Variants in MYRF observed in about 807,000 individuals in gnomAD.
MYRF encodes the protein myelin gene regulatory factor.
In MYRF, 16 loss-of-function variants were observed where a neutral mutation model predicts 126.3. That is an observed-to-expected ratio of 0.13 (90% CI 0.09 to 0.19). The LOEUF is 0.19. MYRF is among the 10% of genes least tolerant of loss of function. The probability of loss-of-function intolerance (pLI) is 1.00; values close to 1 mark genes in which losing one functional copy is unlikely to be tolerated. For synonymous variants in MYRF, 608 were observed against 635.3 expected, an observed-to-expected ratio of 0.96 and a Z score of 0.65; for missense variants, 1,104 against 1,547.0, an observed-to-expected ratio of 0.71 and a Z score of 4.80.
Position 61,776,113 on chromosome 11 carries a change from C to T in MYRF, c.1369C>T (p.Arg457Trp). 1.2e-6 allele frequency: 2 copies of T among 1,614,068 alleles called. No individual in the cohort carries two copies. Among genetic ancestry groups the T allele is most frequent in the South Asian group, 1.1e-5 (1 of 91,088 alleles). ...GCAGTCCCAGTCAGACCGGAGCAAG[C>T]GGCCCTTCAACCCGGTCACGTGAGT... ...IEQSQSDRSKRPFNPVTVNLP... is the reference protein window; with the variant it reads ...IEQSQSDRSKWPFNPVTVNLP... The change falls in exon 9 of 27, where the codon CGG becomes TGG. Residue 457 changes from arginine (R) to tryptophan (W), a missense_variant. Coordinates refer to ENST00000278836, the MANE Select transcript of MYRF (RefSeq NM_001127392.3). This position sits in a 1 kb window ranked among gnomAD's most constrained non-coding sequence, Gnocchi z 4.3.
At position 61,778,355 on chromosome 11, in the gene MYRF, T is replaced by G; in HGVS notation, c.1904-25T>G. On this transcript the variant is annotated intron_variant, in intron 13 of 26. Coordinates refer to ENST00000278836, the MANE Select transcript of MYRF (RefSeq NM_001127392.3). The surrounding 1 kb of genome is among the most constrained non-coding windows in gnomAD (Gnocchi z 4.6). ...TAGCCCTTTACCACCCCCCCACCCA[T>G]CTTTGGCTTGTCCCCTGCCCCCAGG... is the stretch of plus-strand genomic sequence containing the variant. 4.4e-6 allele frequency: 6 copies of G among 1,372,448 alleles called. No individual in the cohort carries two copies. Among genetic ancestry groups the G allele is most frequent in the Non-Finnish European group, 4.2e-6 (4 of 960,092 alleles). The allele number at this position is 1,372,448 out of a possible 1,614,324, so 85.0% of individuals were successfully genotyped here.
chr11:61,771,649 G>C lies in MYRF; in HGVS notation c.890G>C (p.Trp297Ser). Residue 297 changes from tryptophan (W) to serine (S), a missense_variant, in exon 6 of 27, where the codon TGG (tryptophan) becomes TCG (serine). Transcript: ENST00000278836. ...LHPTRAPSPP[W>S]PPQGPLSPGP... ...CCCACTCGAGCCCCATCGCCACCCT[G>C]GCCTCCCCAGGGTCCGCTCTCCCCG... 6.2e-7 allele frequency: 1 copy of C among 1,613,866 alleles called. No homozygotes were observed. Among genetic ancestry groups the C allele is most frequent in the Non-Finnish European group, 8.5e-7 (1 of 1,179,984 alleles).
rs746039812 is a variant in MYRF at position 61,774,147 on chromosome 11, G to T, written c.1296G>T (p.Lys432Asn). ...GLKPLDCFYLKLHGVKLEALN... is the reference protein window; with the variant it reads ...GLKPLDCFYLNLHGVKLEALN... ...AGCCCCTCGACTGCTTCTATCTGAA[G>T]CTGCACGGAGTGAAGGCAAGTTTGG... is the stretch of plus-strand genomic sequence containing the variant. Residue 432 changes from lysine to asparagine, a missense_variant, in exon 8 of 27, where the codon AAG becomes AAT. Lys to Asn is a moderately conservative substitution (Grantham distance 94). This residue lies in a region of MYRF where 36 missense variants were observed against 47.5 expected (regional missense o/e 0.76). Transcript: ENST00000278836. 1.9e-6 allele frequency: 3 copies of T among 1,607,456 alleles called. No homozygotes were observed. Among genetic ancestry groups the T allele is most frequent in the Non-Finnish European group, 2.6e-6 (3 of 1,175,298 alleles).
chr11:61,783,956 G>C lies in MYRF; in HGVS notation c.3194+31G>C. 6.3e-7 allele frequency: 1 copy of C among 1,580,118 alleles called. No individual in the cohort carries two copies. Among genetic ancestry groups the C allele is most frequent in the Middle Eastern group, 1.7e-4 (1 of 6,000 alleles). ...TGCCGGTGTGGGGAAGTGGGAGGCA[G>C]GAGGGGAGCCAGGGAGAATCTCCCG... On this transcript the variant is annotated intron_variant, in intron 24 of 26. Coordinates refer to ENST00000278836, the MANE Select transcript of MYRF (RefSeq NM_001127392.3). This position sits in a 1 kb window ranked among gnomAD's most constrained non-coding sequence, Gnocchi z 4.6.
At chr11:61,781,496 T>A in intron 21 of MYRF, 77 bp from the exon 22 acceptor site, 1 of 1,563,954 alleles carries the variant, frequency 6.4e-7, no homozygotes, top group Non-Finnish European at 8.7e-7. Context: ...TCACTCAGTC[T>A]TGTGGGGCCC....
chr11:61,752,884 C>T, intron 1 of MYRF, 94 bp downstream of exon 1: 2 of 1,239,154 alleles, frequency 1.6e-6, no homozygotes, highest in Non-Finnish European at 2.2e-6. Flanking sequence ...GTGTTTCCGC[C>T]TCCTCTGGCT....
rs951460429 is a variant in MYRF at position 61,787,196 on chromosome 11, G to C, written c.*1053G>C. ...TGGAAGGATGGAGCTAGAAAGCTCA[G>C]AGTGGGCCAGAGCAGGGGTGTGACA... On this transcript the variant is annotated 3_prime_UTR_variant, in exon 27 of 27. Coordinates refer to ENST00000278836, the MANE Select transcript of MYRF (RefSeq NM_001127392.3). 1.3e-5 allele frequency: 2 copies of C among 152,660 alleles called. No individual in the cohort carries two copies. The highest frequency in any genetic ancestry group is 4.8e-5 in the African/African-American group (2 of 41,456). The allele number at this position is 152,660 out of a possible 1,614,324, so 9.5% of individuals were successfully genotyped here.
chr11:61,752,652 C>T lies in MYRF; in HGVS notation c.-93C>T, dbSNP rs2065638349. 1 of 1,024,382 alleles carries T rather than the reference C, an allele frequency of 9.8e-7. No homozygotes were observed. Among genetic ancestry groups the T allele is most frequent in the Non-Finnish European group, 1.2e-6 (1 of 807,286 alleles). 63.5% of individuals were successfully genotyped at this position (1,024,382 alleles called of 1,614,324 possible). A position where few individuals can be genotyped will look rare whatever the true frequency, so the allele number is the denominator to read the frequency against. On this transcript the variant is annotated 5_prime_UTR_variant, in exon 1 of 27. Transcript: ENST00000278836. ...GGCGGGACCGTAGCCGGAGCCCAGC[C>T]GGGACTGTCGCGCGGGCCGCGCCGG...
intron 3 of MYRF, chr11:61,767,357 A>T (rs1160977169): frequency 1.1e-5 from 5 of 456,530 alleles, no homozygotes; most frequent in Non-Finnish European, 1.8e-5. Context: ...CTTCCTGGGT[A>T]TCCAGCTCCT....
chr11:61,779,191 C>T, intron 14 of MYRF, 72 bp from the exon 15 acceptor site: 1 of 1,465,448 alleles, frequency 6.8e-7, no homozygotes, highest in Non-Finnish European at 9.1e-7. Context: ...TGATGTCTGG[C>T]AGCCTGGGGC....
intron 1 of MYRF, among the ~76,000 whole-genome samples, chr11:61,763,963 G>A (rs761036782): frequency 5.9e-5 from 9 of 152,230 alleles, no homozygotes; most frequent in Non-Finnish European, 1.0e-4. Context: ...AATGGGACCC[G>A]TGGTTACAGC....
At chr11:61,761,724 G>T (rs778178509) in intron 1 of MYRF, among the ~76,000 whole-genome samples, 1 of 152,258 alleles carries the variant, frequency 6.6e-6, no homozygotes, top group Non-Finnish European at 1.5e-5. Context: ...ACAGGGCAGC[G>T]CTCATAGCCC....
chr11:61,779,374 C>T lies in MYRF; in HGVS notation c.2125C>T (p.Leu709=), dbSNP rs1424289120. The T allele has an allele frequency of 3.9e-6, 6 of 1,551,292 alleles. No individual in the cohort carries two copies. The highest frequency in any genetic ancestry group is 5.2e-6 in the Non-Finnish European group (6 of 1,146,936). ...LERWSHKLAK[L]RRLDSLKSTG... is the part of the protein sequence containing the mutation. ...GCGCTGGAGCCACAAGCTGGCCAAG[C>T]TGCGGCGGCTCGACAGCCTCAAGTC... Residue 709 remains leucine (L), a synonymous_variant, in exon 15 of 27, where the codon CTG becomes TTG. Coordinates refer to ENST00000278836, the MANE Select transcript of MYRF (RefSeq NM_001127392.3).
At position 61,780,609 on chromosome 11, in the gene MYRF, G is replaced by C. The variant is rs542298138; in HGVS notation, c.2406-103G>C. On this transcript the variant is annotated intron_variant, in intron 18 of 26. Transcript: ENST00000278836. ...GGGCCAGGGCAGGGCCTTGGGCTCT[G>C]TGAGCCCACTGTCACCCCCAGCTCC... 3,777 of 1,165,526 alleles carry C rather than the reference G, an allele frequency of 3.2e-3. 16 individuals are homozygous for C. Among genetic ancestry groups the C allele is most frequent in the Non-Finnish European group, 4.2e-3 (3,376 of 813,116 alleles). 72.2% of individuals were successfully genotyped at this position (1,165,526 alleles called of 1,614,324 possible).
rs1367545625 is a variant in MYRF at position 61,781,625 on chromosome 11, G to T, written c.2817G>T (p.Trp939Cys). 10 of 1,613,788 alleles carry T rather than the reference G, an allele frequency of 6.2e-6. No homozygotes were observed. The highest frequency in any genetic ancestry group is 4.0e-5 in the African/African-American group (3 of 74,950). ...TCACCAACATCAGAGCCAAGTCCTGGGGTCTTTCAGTCAATGGCATTGGCC... is the reference window on the plus strand; with the variant it reads ...TCACCAACATCAGAGCCAAGTCCTGTGGTCTTTCAGTCAATGGCATTGGCC... ...LPVTNIRAKSWGLSVNGIGHS... is the reference protein window; with the variant it reads ...LPVTNIRAKSCGLSVNGIGHS... The change falls in exon 22 of 27, where the codon TGG becomes TGT. Residue 939 changes from tryptophan to cysteine, a missense_variant. Transcript: ENST00000278836.
Position 61,770,541 on chromosome 11 carries a change from C to T in MYRF, c.740+16C>T, listed in dbSNP as rs776866767. On this transcript the variant is annotated intron_variant, in intron 5 of 26. Transcript: ENST00000278836. ...ACGGAGCTGAGTAAGACGTGGGTGG[C>T]TGGCTCCATGGGGTGGGAAGGTGGG... 9 of 1,540,922 alleles carry T rather than the reference C, an allele frequency of 5.8e-6. No homozygotes were observed. The Admixed American group carries it at 1.6e-4, about 27-fold the overall frequency.
In MYRF at chr11:61,776,251, G is replaced by C. The variant is rs937442323; in HGVS notation, c.1389-71G>C. 2 of 1,565,598 alleles carry C rather than the reference G, an allele frequency of 1.3e-6. No individual in the cohort carries two copies. The highest frequency in any genetic ancestry group is 2.7e-5 in the African/African-American group (2 of 73,744). On this transcript the variant is annotated intron_variant, in intron 9 of 26. Transcript: ENST00000278836. The surrounding 1 kb of genome is among the most constrained non-coding windows in gnomAD (Gnocchi z 4.3). ...CCGCCTCATGTACGTTGCTGGCCTG[G>C]GTGCCCCTCAGTGGCGTGGCTCTTG...
Position 61,776,982 on chromosome 11 carries a change from C to A in MYRF, c.1590+105C>A. 9.8e-7 allele frequency: 1 copy of A among 1,024,666 alleles called. No homozygotes were observed. The highest frequency in any genetic ancestry group is 1.4e-6 in the Non-Finnish European group (1 of 707,006). The allele number at this position is 1,024,666 out of a possible 1,614,324, so 63.5% of individuals were successfully genotyped here. A position where few individuals can be genotyped will look rare whatever the true frequency, so the allele number is the denominator to read the frequency against. On this transcript the variant is annotated intron_variant, in intron 11 of 26. Transcript: ENST00000278836. The surrounding 1 kb of genome is among the most constrained non-coding windows in gnomAD (Gnocchi z 4.3). ...GAGAGTCAGGAGTGGGCATGCTCAT[C>A]CTGCTAGGCACTGGCTGTGTGGCCT...
At chr11:61,763,207 A>G (rs2135728203) in intron 1 of MYRF, among the ~76,000 whole-genome samples, 1 of 152,338 alleles carries the variant, frequency 6.6e-6, no homozygotes, top group East Asian at 1.9e-4. Flanking sequence ...TCCCTCGTGG[A>G]GTCAGACCCC....
Sources: gnomAD v4.1 joint callset for allele counts (sites outside exome capture counted in the v4.1 genomes callset) on GRCh38, gnomAD v4.1.1 for gene constraint, gnomAD v4.1.1 regional missense constraint, Gnocchi (gnomAD v3.1) non-coding constraint, MANE v1.5 for transcripts, NCBI Gene and HGNC (gene_info 2026-07-23, HGNC 2026-07-21) for gene names.